The following SPATA16 variants were observed in gnomAD, a reference collection of about 807,000 sequenced individuals.
The protein encoded by SPATA16 is spermatogenesis-associated protein 16.
SPATA16 carries 36 observed loss-of-function variants against 63.3 expected under a neutral mutation model. The ratio of observed to expected loss-of-function variants is 0.57; its 90% confidence interval spans 0.44 to 0.75. SPATA16 has a LOEUF of 0.75. SPATA16 is among the 30% of genes least tolerant of loss of function. The pLI is 0.00. For missense variants in SPATA16, 646 were observed against 679.3 expected (o/e 0.95, Z 0.54); for synonymous variants, 203 against 216.7 (o/e 0.94, Z 0.56).
intron 6 of SPATA16, among the ~76,000 whole-genome samples, chr3:172,940,907 C>T (rs541995656): frequency 1.1e-3 from 162 of 152,066 alleles, no homozygotes; most frequent in African/African-American, 3.6e-3. Flanking sequence ...TGCTTGAACC[C>T]GGGAGGCGGA....
chr3:173,057,261 G>A (rs1165091904), intron 2 of SPATA16, among the ~76,000 whole-genome samples: 2 of 151,726 alleles, frequency 1.3e-5, no homozygotes, highest in Admixed American at 1.3e-4. Context: ...ACAGGTGCCC[G>A]CCGCCACGCC....
At chr3:173,013,053 A>G (rs1304303035) in intron 4 of SPATA16, among the ~76,000 whole-genome samples, 1 of 152,204 alleles carries the variant, frequency 6.6e-6, no homozygotes, top group Non-Finnish European at 1.5e-5. Context: ...TTTATAAGGA[A>G]CTTAAGCAAA....
At chr3:173,109,868 C>T (rs1278202962) in intron 2 of SPATA16, among the ~76,000 whole-genome samples, 2 of 152,078 alleles carry the variant, frequency 1.3e-5, no homozygotes, top group Non-Finnish European at 2.9e-5. Context: ...TAGCATTATG[C>T]CAGGTTAAAA....
At chr3:173,060,066 G>A (rs1736342922) in intron 2 of SPATA16, among the ~76,000 whole-genome samples, 1 of 151,844 alleles carries the variant, frequency 6.6e-6, no homozygotes, top group Non-Finnish European at 1.5e-5. Flanking sequence ...AGACCAGCCT[G>A]GCCAACATGG....
At chr3:172,959,579 GATGCTTTCTTAAAGGA>G (rs1172773766) in intron 5 of SPATA16, among the ~76,000 whole-genome samples, 1 of 152,140 alleles carries the variant, frequency 6.6e-6, no homozygotes, top group Non-Finnish European at 1.5e-5. Context: ...TCTCCATGGA[GATGCTTTCTTAAAGGA>G]AATTATTATA....
At chr3:173,051,720 A>G (rs560187722) in intron 2 of SPATA16, among the ~76,000 whole-genome samples, 6 of 152,328 alleles carry the variant, frequency 3.9e-5, no homozygotes, top group African/African-American at 1.2e-4. Context: ...ATCTTAAAAA[A>G]GAAAGAAAAT....
At chr3:172,962,656 T>C (rs1227291098) in intron 5 of SPATA16, among the ~76,000 whole-genome samples, 1 of 152,168 alleles carries the variant, frequency 6.6e-6, no homozygotes, top group Non-Finnish European at 1.5e-5. Context: ...ATAAAATCCA[T>C]CTGGGCAGGT....
intron 1 of SPATA16, among the ~76,000 whole-genome samples, chr3:173,135,064 A>G (rs1473493817): frequency 6.6e-6 from 1 of 152,234 alleles, no homozygotes; most frequent in African/African-American, 2.4e-5. Flanking sequence ...TAGTACATAT[A>G]TTTGACGTGG....
intron 6 of SPATA16, among the ~76,000 whole-genome samples, chr3:172,925,843 T>C (rs111870605): frequency 1.3e-3 from 204 of 152,242 alleles, no homozygotes; most frequent in African/African-American, 4.8e-3. Flanking sequence ...TCTTTTTTTT[T>C]AGATGGAGTC....
In SPATA16 at chr3:173,028,077, TTCTC is replaced by T. The variant is rs1292790375; in HGVS notation, c.759-8506_759-8503del. 8.7e-4 allele frequency among the ~76,000 whole-genome samples: 87 copies of T among 100,378 alleles called. 1 individual carries two copies. The highest frequency in any genetic ancestry group is 3.5e-3 in the African/African-American group (82 of 23,202). 65.9% of individuals were successfully genotyped at this position (100,378 alleles called of 152,430 possible). A position where few individuals can be genotyped will look rare whatever the true frequency, so the allele number is the denominator to read the frequency against. On this transcript the variant is annotated intron_variant, in intron 3 of 10. Coordinates refer to ENST00000351008, the MANE Select transcript of SPATA16 (RefSeq NM_031955.6). ...TTCCTTCCTTCCTTCCTTCCTTCCTTTCTCTCTCTCTCTTTCTTTCTTTCAATTT... is the reference window on the plus strand; with the variant it reads ...TTCCTTCCTTCCTTCCTTCCTTCCTTTCTCTCTCTTTCTTTCTTTCAATTT...
intron 1 of SPATA16, among the ~76,000 whole-genome samples, chr3:173,140,046 G>T (rs928224615): frequency 1.3e-5 from 2 of 152,114 alleles, no homozygotes; most frequent in African/African-American, 2.4e-5. Context: ...TTAACTGTGG[G>T]TTTATGCCTG....
chr3:173,130,069 A>T (rs1738330834), intron 1 of SPATA16, among the ~76,000 whole-genome samples: 1 of 152,180 alleles, frequency 6.6e-6, no homozygotes, highest in South Asian at 2.1e-4. Flanking sequence ...TGAACATACA[A>T]ATCCTATAAT....
At chr3:172,899,223 G>A (rs376848260) in intron 10 of SPATA16, among the ~76,000 whole-genome samples, 41 of 152,106 alleles carry the variant, frequency 2.7e-4, no homozygotes, top group African/African-American at 9.4e-4. Flanking sequence ...TTGAGAAAGG[G>A]AAGTTGAAAT....
chr3:172,956,592 A>G (rs562094988), intron 6 of SPATA16, 85 bp downstream of exon 6: 89 of 1,472,240 alleles, frequency 6.0e-5, no homozygotes, highest in Non-Finnish European at 7.3e-5. Flanking sequence ...AACAGAAACA[A>G]TAAACTAATA....
chr3:173,087,319 C>T (rs1737083827), intron 2 of SPATA16, among the ~76,000 whole-genome samples: 1 of 152,140 alleles, frequency 6.6e-6, no homozygotes, highest in Non-Finnish European at 1.5e-5. Context: ...GGTTTGAAGT[C>T]TATTTCATCA....
At position 172,977,017 on chromosome 3, in the gene SPATA16, C is replaced by G. The variant is rs1366497528; in HGVS notation, c.884G>C (p.Gly295Ala). The change falls in exon 5 of 11, where the codon GGT becomes GCT. Residue 295 changes from glycine to alanine, a missense_variant. Coordinates refer to ENST00000351008, the MANE Select transcript of SPATA16 (RefSeq NM_031955.6). Reference protein sequence around the residue: ...AMIADYMFWLGGGREESISKL... With the variant: ...AMIADYMFWLAGGREESISKL... ...GCTTATGCTCTCTTCCCTTCCTCCACCAAGCCAGAACATGTAGTCAGCAAT... is the reference window on the plus strand; with the variant it reads ...GCTTATGCTCTCTTCCCTTCCTCCAGCAAGCCAGAACATGTAGTCAGCAAT... The G allele has an allele frequency of 6.2e-7, 1 of 1,611,532 alleles. No homozygotes were observed. The highest frequency in any genetic ancestry group is 8.5e-7 in the Non-Finnish European group (1 of 1,179,530).
At chr3:173,127,713 G>A (rs997482969) in intron 1 of SPATA16, among the ~76,000 whole-genome samples, 7 of 152,216 alleles carry the variant, frequency 4.6e-5, no homozygotes, top group Non-Finnish European at 7.3e-5. Context: ...GGCATACAAC[G>A]TCCGCTTGCT....
chr3:173,098,370 A>C (rs1348714622), intron 2 of SPATA16, among the ~76,000 whole-genome samples: 5 of 152,300 alleles, frequency 3.3e-5, no homozygotes, highest in East Asian at 1.9e-4. Flanking sequence ...TCAGCAATTG[A>C]TGTAGACCCT....
chr3:173,017,573 T>G (rs1332230072), intron 4 of SPATA16, among the ~76,000 whole-genome samples: 2 of 152,218 alleles, frequency 1.3e-5, no homozygotes, highest in Non-Finnish European at 2.9e-5. Flanking sequence ...ATTTGCAATT[T>G]CAACAGTGTA....
Sources: gnomAD v4.1 joint callset for allele counts (sites outside exome capture counted in the v4.1 genomes callset) on GRCh38, gnomAD v4.1.1 for gene constraint, MANE v1.5 for transcripts, NCBI Gene and HGNC (gene_info 2026-07-23, HGNC 2026-07-21) for gene names.